EXO1: variants seen among roughly 807,000 people sequenced by gnomAD.
The protein encoded by EXO1 is exonuclease 1.
EXO1 carries 69 observed loss-of-function variants against 84.5 expected under a neutral mutation model. The ratio of observed to expected loss-of-function variants is 0.82; its 90% CI spans 0.67 to 1.00. The LOEUF (loss-of-function observed/expected upper bound fraction) is 1.00. EXO1 is among the 50% of genes least tolerant of loss of function. The pLI is 0.00. For synonymous variants in EXO1, 373 were observed against 366.1 expected, an observed-to-expected ratio of 1.02 and a Z score of -0.21; for missense variants, 1,045 against 1,000.7, an observed-to-expected ratio of 1.04 and a Z score of -0.60.
chr1:241,850,262 A>G, intron 3 of EXO1, 147 bp from the exon 4 acceptor site: 1 of 595,256 alleles, frequency 1.7e-6, no homozygotes, highest in South Asian at 1.9e-5. Context: ...CCTGGGCGAA[A>G]GAGCGAGACT....
At chr1:241,885,599 G>C (rs948981711) in intron 15 of EXO1, 92 bp downstream of exon 15, 1 of 985,134 alleles carries the variant, frequency 1.0e-6, no homozygotes, top group African/African-American at 1.6e-5. Flanking sequence ...AGTTTCGTAT[G>C]AGTTTTTGTT....
In EXO1 at chr1:241,858,548, G is replaced by T. The variant is rs1343116204; in HGVS notation, c.586G>T (p.Asp196Tyr). 8 of 1,614,028 alleles carry T rather than the reference G, an allele frequency of 5.0e-6. No individual in the cohort carries two copies. Among genetic ancestry groups the T allele is most frequent in the Non-Finnish European group, 8.5e-7 (1 of 1,179,994 alleles). Residue 196 changes from aspartate (D) to tyrosine (Y), a missense_variant, in exon 8 of 16, where the codon GAT becomes TAT. By Grantham distance (160) the Asp-to-Tyr change is radical. Coordinates refer to ENST00000366548, the MANE Select transcript of EXO1 (RefSeq NM_130398.4). ...MDQFGNGLEI[D>Y]QARLGMCRQL... ...CCAGTTTGGAAATGGACTTGAAATT[G>T]ATCAAGCTCGGCTAGGAATGTGCAG...
chr1:241,883,592 C>T (rs1432173394), intron 14 of EXO1, among the ~76,000 whole-genome samples: 5 of 152,074 alleles, frequency 3.3e-5, no homozygotes. Flanking sequence ...CAGCAAATTC[C>T]AGTACATTAA....
At chr1:241,885,565 C>A in intron 15 of EXO1, 58 bp downstream of exon 15, 1 of 1,292,598 alleles carries the variant, frequency 7.7e-7, no homozygotes, top group Non-Finnish European at 1.1e-6. Context: ...CTGTAATTTC[C>A]ATCCCTTTCT....
In EXO1 at chr1:241,878,606, AT is replaced by A. The variant is rs150272411; in HGVS notation, c.1515-137del. On this transcript the variant is annotated intron_variant, in intron 12 of 15. Coordinates refer to ENST00000366548, the MANE Select transcript of EXO1 (RefSeq NM_130398.4). ...ATTTGAATTTTGACTAAAATTTAAGATTTTTTATGCCTTTATGAAATTATAT... is the reference window on the plus strand; with the variant it reads ...ATTTGAATTTTGACTAAAATTTAAGATTTTTATGCCTTTATGAAATTATAT... 2.3e-5 allele frequency: 14 copies of A among 599,626 alleles called. No individual in the cohort carries two copies. The East Asian group carries it at 2.8e-4, about 12-fold the overall frequency. The allele number at this position is 599,626 out of a possible 1,614,324, so 37.1% of individuals were successfully genotyped here. A position where few individuals can be genotyped will look rare whatever the true frequency, so the allele number is the denominator to read the frequency against.
rs1307827815 is a variant in EXO1 at position 241,881,789 on chromosome 1, A to G, written c.2110-127A>G. The G allele has an allele frequency of 7.4e-5, 41 of 556,534 alleles. No individual in the cohort carries two copies. The Admixed American group carries it at 1.4e-3, about 19-fold the overall frequency. 34.5% of individuals were successfully genotyped at this position (556,534 alleles called of 1,614,324 possible). ...AAATATCATCCTTTCCATATTATTC[A>G]TTTTCTTTTATTAATTCTATCCCAT... On this transcript the variant is annotated intron_variant, in intron 13 of 15. Transcript: ENST00000366548.
intron 14 of EXO1, 84 bp downstream of exon 14, chr1:241,882,101 A>G: frequency 1.4e-6 from 1 of 700,838 alleles, no homozygotes; most frequent in Non-Finnish European, 2.5e-6. Context: ...AGCAGAATTA[A>G]AAATCAAAAT....
chr1:241,855,932 G>A (rs1292158148), intron 6 of EXO1, among the ~76,000 whole-genome samples: 3 of 152,138 alleles, frequency 2.0e-5, no homozygotes, highest in South Asian at 2.1e-4. Context: ...AGCACCGCGC[G>A]CAGCCCCAGT....
intron 13 of EXO1, among the ~76,000 whole-genome samples, chr1:241,881,162 G>A (rs1662726433): frequency 6.6e-6 from 1 of 152,068 alleles, no homozygotes; most frequent in Admixed American, 6.6e-5. Context: ...CAAGTAGCTG[G>A]GACAACAGGC....
chr1:241,876,338 C>A (rs1238068266), intron 12 of EXO1, among the ~76,000 whole-genome samples: 1 of 152,132 alleles, frequency 6.6e-6, no homozygotes, highest in African/African-American at 2.4e-5. Flanking sequence ...TCTCAGCACT[C>A]TGGGAGGCCG....
intron 9 of EXO1, 84 bp from the exon 10 acceptor site, chr1:241,861,322 A>G: frequency 2.6e-6 from 2 of 773,150 alleles, no homozygotes; most frequent in Non-Finnish European, 4.6e-6. Context: ...TTTTCGTGAC[A>G]ATAGAAAACA....
chr1:241,888,326 A>AT (rs1287612637), intron 15 of EXO1, among the ~76,000 whole-genome samples: 3 of 152,162 alleles, frequency 2.0e-5, no homozygotes, highest in South Asian at 4.1e-4. Context: ...CATCAAGAAC[A>AT]TTTTTGAGAC....
At chr1:241,879,636 A>G (rs1313696415) in intron 13 of EXO1, among the ~76,000 whole-genome samples, 7 of 152,186 alleles carry the variant, frequency 4.6e-5, no homozygotes, top group African/African-American at 1.7e-4. Flanking sequence ...CAGAGTGATA[A>G]TCTGTGAAAT....
rs374402634 is a variant in EXO1, at chr1:241,848,392, T to A, written c.-420+39T>A. ...GCTGTGCGGAGGCTAATGGGTGGGTTCCCTTGGGGGTCGACCTGCGCGTCA... is the reference window on the plus strand; with the variant it reads ...GCTGTGCGGAGGCTAATGGGTGGGTACCCTTGGGGGTCGACCTGCGCGTCA... On this transcript the variant is annotated intron_variant, in intron 1 of 15. Transcript: ENST00000366548. This position sits in a 1 kb window ranked among gnomAD's most constrained non-coding sequence, Gnocchi z 4.2. The A allele has an allele frequency of 1.4e-4, 21 of 152,386 alleles. No individual in the cohort carries two copies. In the East Asian group the frequency reaches 2.3e-3, roughly 17 times the overall value. The allele number at this position is 152,386 out of a possible 1,614,324, so 9.4% of individuals were successfully genotyped here. A position where few individuals can be genotyped will look rare whatever the true frequency, so the allele number is the denominator to read the frequency against.
Position 241,858,580 on chromosome 1 carries a change from TG to T in EXO1, c.622del (p.Asp208MetfsTer28), listed in dbSNP as rs1462193193. On this transcript the variant is annotated frameshift_variant, in exon 8 of 16. Coordinates refer to ENST00000366548, the MANE Select transcript of EXO1 (RefSeq NM_130398.4). LOFTEE classifies it high-confidence loss of function. ...QARLGMCRQL[G>X]DVFTEEKFRY... ...CTCGGCTAGGAATGTGCAGACAGCT[TG>T]GGGATGTATTCACGGAAGAGAAGTT... The T allele has an allele frequency of 1.2e-6, 2 of 1,613,972 alleles. No individual in the cohort carries two copies. Among genetic ancestry groups the T allele is most frequent in the Non-Finnish European group, 1.7e-6 (2 of 1,179,976 alleles).
chr1:241,874,808 G>C (rs187354244), intron 12 of EXO1, among the ~76,000 whole-genome samples: 1 of 152,302 alleles, frequency 6.6e-6, no homozygotes, highest in Admixed American at 6.5e-5. Flanking sequence ...CTTATAGATA[G>C]ATGATAAACA....
intron 6 of EXO1, among the ~76,000 whole-genome samples, chr1:241,855,822 G>A (rs1344552211): frequency 6.6e-6 from 1 of 152,262 alleles, no homozygotes; most frequent in Non-Finnish European, 1.5e-5. Flanking sequence ...CGCTGGCCCG[G>A]GTGCTAAGCC....
At position 241,861,411 on chromosome 1, in the gene EXO1, TTGA is replaced by T; in HGVS notation, c.955_957del (p.Asp319del). 2 of 1,467,666 alleles carry T rather than the reference TTGA, an allele frequency of 1.4e-6. No individual in the cohort carries two copies. The highest frequency in any genetic ancestry group is 9.6e-7 in the Non-Finnish European group (1 of 1,046,212). 90.9% of individuals were successfully genotyped at this position (1,467,666 alleles called of 1,614,324 possible). On this transcript the variant is annotated inframe_deletion, in exon 10 of 16. Transcript: ENST00000366548. The stretch of plus-strand genomic sequence containing the variant: ...CCTTAATCTTGCTAATCTAGATATG[TTGA>T]TGATTCCATAGCTCTTCAAATAGCA...
Position 241,878,768 on chromosome 1 carries a change from T to C in EXO1, c.1534T>C (p.Ser512Pro). Residue 512 changes from serine to proline, a missense_variant, in exon 13 of 16, where the codon TCT becomes CCT. Coordinates refer to ENST00000366548, the MANE Select transcript of EXO1 (RefSeq NM_130398.4). ...TRSRFFCSSDSTDCVSNKVSI... is the reference protein window; with the variant it reads ...TRSRFFCSSDPTDCVSNKVSI... ...TATTAGGTTTTTTTGCAGTTCAGAT[T>C]CTACTGACTGTGTATCAAACAAAGT... 6.2e-7 allele frequency: 1 copy of C among 1,612,630 alleles called. No homozygotes were observed. The highest frequency in any genetic ancestry group is 8.5e-7 in the Non-Finnish European group (1 of 1,178,984).
Sources: gnomAD v4.1 joint callset for allele counts (sites outside exome capture counted in the v4.1 genomes callset) on GRCh38, gnomAD v4.1.1 for gene constraint, Gnocchi (gnomAD v3.1) non-coding constraint, MANE v1.5 for transcripts, NCBI Gene and HGNC (gene_info 2026-07-23, HGNC 2026-07-21) for gene names.